The following XRCC4 variants were observed in gnomAD, a reference collection of about 807,000 sequenced individuals.
XRCC4 encodes DNA repair protein XRCC4.
Under a neutral mutation model 39.1 loss-of-function variants are expected in XRCC4, and 28 were observed. That is an observed-to-expected ratio of 0.72 (90% CI 0.53 to 0.98). The LOEUF is 0.98. Ranked by LOEUF, XRCC4 falls within the 50% of genes least tolerant of loss-of-function variation. The probability of loss-of-function intolerance (pLI) is 0.00; values close to 1 mark genes in which losing one functional copy is unlikely to be tolerated. For synonymous variants in XRCC4, 123 were observed against 126.4 expected (o/e 0.97, Z 0.18); for missense variants, 350 against 376.4 (o/e 0.93, Z 0.58).
chr5:83,198,058 A>G (rs745841079), intron 4 of XRCC4, among the ~76,000 whole-genome samples: 15 of 152,134 alleles, frequency 9.9e-5, no homozygotes, highest in Non-Finnish European at 1.8e-4. Flanking sequence ...AGCTTCCATA[A>G]GGCAGTAGTT....
chr5:83,294,017 A>G (rs1361126345), intron 7 of XRCC4, among the ~76,000 whole-genome samples: 4 of 151,964 alleles, frequency 2.6e-5, no homozygotes, highest in Non-Finnish European at 1.5e-5. Flanking sequence ...CTCTTTTCCA[A>G]AATGTTCAAG....
Position 83,147,134 on chromosome 5 carries a change from G to A in XRCC4, c.315+35931G>A, listed in dbSNP as rs561825249. Among the ~76,000 whole-genome samples the A allele has an allele frequency of 2.0e-5, 3 of 152,204 alleles. No homozygotes were observed. The South Asian group carries it at 6.2e-4, about 32-fold the overall frequency. The stretch of plus-strand genomic sequence containing the variant: ...GTATCATCGTGTTTTAAAAATGTGG[G>A]TAGAATCCATGGGGTGTGGTGATGG... On this transcript the variant is annotated intron_variant, in intron 3 of 7. Transcript: ENST00000396027.
intron 3 of XRCC4, among the ~76,000 whole-genome samples, chr5:83,173,917 A>G (rs116535237): frequency 6.6e-6 from 1 of 152,150 alleles, no homozygotes; most frequent in African/African-American, 2.4e-5. Flanking sequence ...CTTTATACTC[A>G]GTCTTTCTGT....
At chr5:83,148,438 A>G (rs913999788) in intron 3 of XRCC4, among the ~76,000 whole-genome samples, 6 of 152,104 alleles carry the variant, frequency 3.9e-5, no homozygotes, top group Non-Finnish European at 5.9e-5. Context: ...AAATGAGGGG[A>G]TGAATCAACT....
rs144132223 is a variant in XRCC4, at chr5:83,163,852, C to G, written c.316-31918C>G. ...AATTTTAGGGAATACTGAAAATGCT[C>G]TTAGCTTGAGATGTAGCAAATTGTA... On this transcript the variant is annotated intron_variant, in intron 3 of 7. Coordinates refer to ENST00000396027, the MANE Select transcript of XRCC4 (RefSeq NM_003401.5). Among the ~76,000 whole-genome samples, 6 of 152,306 alleles carry G rather than the reference C, an allele frequency of 3.9e-5. No individual in the cohort carries two copies. In the East Asian group the frequency reaches 1.2e-3, roughly 29 times the overall value.
intron 7 of XRCC4, among the ~76,000 whole-genome samples, chr5:83,351,355 G>A (rs1397102245): frequency 6.6e-6 from 1 of 152,150 alleles, no homozygotes; most frequent in Non-Finnish European, 1.5e-5. Flanking sequence ...CAAATGGCTA[G>A]CCAGTTTTCC....
At chr5:83,266,790 G>T (rs1753969875) in intron 7 of XRCC4, among the ~76,000 whole-genome samples, 1 of 152,012 alleles carries the variant, frequency 6.6e-6, no homozygotes, top group African/African-American at 2.4e-5. Context: ...TATTTTTGTA[G>T]TAAATGAAGA....
intron 6 of XRCC4, among the ~76,000 whole-genome samples, chr5:83,224,172 T>C (rs1331155835): frequency 2.0e-5 from 3 of 152,076 alleles, no homozygotes; most frequent in African/African-American, 7.2e-5. Flanking sequence ...TTTTGTTTAT[T>C]ATTTTCTAGT....
At chr5:83,285,629 T>C (rs930279028) in intron 7 of XRCC4, among the ~76,000 whole-genome samples, 2 of 152,176 alleles carry the variant, frequency 1.3e-5, no homozygotes, top group African/African-American at 4.8e-5. Context: ...AATTTGTTCA[T>C]AGTTTTGGGA....
intron 1 of XRCC4, among the ~76,000 whole-genome samples, chr5:83,102,634 T>G (rs1745994955): frequency 6.6e-6 from 1 of 152,116 alleles, no homozygotes; most frequent in Non-Finnish European, 1.5e-5. Context: ...ATAAGCTTGG[T>G]TAACTACCAT....
At chr5:83,273,489 C>G (rs1754213975) in intron 7 of XRCC4, among the ~76,000 whole-genome samples, 1 of 152,182 alleles carries the variant, frequency 6.6e-6, no homozygotes. Context: ...GTCATGAAGT[C>G]TTTGCCTATG....
intron 6 of XRCC4, among the ~76,000 whole-genome samples, chr5:83,216,137 T>A (rs556679362): frequency 6.6e-6 from 1 of 152,078 alleles, no homozygotes; most frequent in South Asian, 2.1e-4. Context: ...AACAACTGGG[T>A]CAAAAAATTT....
At chr5:83,194,282 C>T (rs868803666) in intron 3 of XRCC4, among the ~76,000 whole-genome samples, 1 of 152,176 alleles carries the variant, frequency 6.6e-6, no homozygotes, top group African/African-American at 2.4e-5. Flanking sequence ...TGTATATTTA[C>T]ACTCAGAGAG....
rs1445621206 is a variant in XRCC4 at position 83,297,077 on chromosome 5, C to T, written c.893+38400C>T. On this transcript the variant is annotated intron_variant, in intron 7 of 7. Coordinates refer to ENST00000396027, the MANE Select transcript of XRCC4 (RefSeq NM_003401.5). ...ATATTATTAACAGAAAGGAAAATTA[C>T]AGGGCAATCATATATGCATATAAAT... is the stretch of plus-strand genomic sequence containing the variant. 2.0e-5 allele frequency among the ~76,000 whole-genome samples: 3 copies of T among 151,760 alleles called. No homozygotes were observed. In the East Asian group the frequency reaches 5.8e-4, roughly 29 times the overall value.
the XRCC4 span, among the ~76,000 whole-genome samples, chr5:83,369,687 T>G: frequency 6.6e-6 from 1 of 152,220 alleles, no homozygotes. Flanking sequence ...TCTTTGGTAT[T>G]GTGAATAGAG....
intron 7 of XRCC4, among the ~76,000 whole-genome samples, chr5:83,336,091 T>C (rs1756586154): frequency 6.6e-6 from 1 of 152,074 alleles, no homozygotes; most frequent in Admixed American, 6.6e-5. Context: ...TCTCTTACAA[T>C]ATGACAAATT....
intron 7 of XRCC4, among the ~76,000 whole-genome samples, chr5:83,349,251 A>G (rs1757009367): frequency 6.6e-6 from 1 of 152,204 alleles, no homozygotes; most frequent in South Asian, 2.1e-4. Context: ...TCACCTCCCA[A>G]CAGGCCCCTC....
chr5:83,307,832 A>G (rs1048494701), intron 7 of XRCC4, among the ~76,000 whole-genome samples: 7 of 152,238 alleles, frequency 4.6e-5, no homozygotes, highest in African/African-American at 1.4e-4. Flanking sequence ...CTACATGTAC[A>G]TACTGTAAAT....
chr5:83,163,737 A>G (rs967237390), intron 3 of XRCC4, among the ~76,000 whole-genome samples: 24 of 152,218 alleles, frequency 1.6e-4, no homozygotes, highest in Admixed American at 1.3e-4. Flanking sequence ...CACATATAAT[A>G]TGAGGCTTTG....
Sources: gnomAD v4.1 joint callset for allele counts (sites outside exome capture counted in the v4.1 genomes callset) on GRCh38, gnomAD v4.1.1 for gene constraint, MANE v1.5 for transcripts, NCBI Gene and HGNC (gene_info 2026-07-23, HGNC 2026-07-21) for gene names.